Variants in WDFY3 observed in about 807,000 individuals in gnomAD.
The protein encoded by WDFY3 is WD repeat and FYVE domain-containing protein 3.
Under a neutral mutation model 409.6 loss-of-function variants are expected in WDFY3, and 66 were observed. The ratio of observed to expected loss-of-function variants is 0.16; its 90% confidence interval spans 0.13 to 0.20. The LOEUF (loss-of-function observed/expected upper bound fraction) is 0.20, where lower values mean the gene tolerates loss of function less well. Ranked by LOEUF, WDFY3 falls within the 10% of genes least tolerant of loss-of-function variation. WDFY3 has a pLI of 1.00. For missense variants in WDFY3, 3,031 were observed against 4,298.1 expected (o/e 0.71, Z 8.24); for synonymous variants, 1,521 against 1,537.1 (o/e 0.99, Z 0.25).
rs367546190 is a variant in WDFY3 at position 84,713,145 on chromosome 4, A to C, written c.8042+14T>G. The C allele has an allele frequency of 3.1e-5, 50 of 1,613,518 alleles. No homozygotes were observed. The African/African-American group carries it at 4.7e-4, about 15-fold the overall frequency. ...CACTATTAAACTGTAACATGCAAGG[A>C]ACAAACCACCTACCCCTGCTCCACA... is the stretch of plus-strand genomic sequence containing the variant. On this transcript the variant is annotated intron_variant, in intron 51 of 67. Coordinates refer to ENST00000295888, the MANE Select transcript of WDFY3 (RefSeq NM_014991.6).
At chr4:84,944,195 C>T (rs1195044332) in intron 1 of WDFY3, among the ~76,000 whole-genome samples, 1 of 152,044 alleles carries the variant, frequency 6.6e-6, no homozygotes, top group African/African-American at 2.4e-5. Flanking sequence ...ATTTATTAGT[C>T]TTTAATTATT....
At position 84,826,947 on chromosome 4, in the gene WDFY3, C is replaced by T; in HGVS notation, c.991G>A (p.Ala331Thr). The T allele has an allele frequency of 6.2e-7, 1 of 1,608,508 alleles. No homozygotes were observed. Among genetic ancestry groups the T allele is most frequent in the East Asian group, 2.3e-5 (1 of 44,418 alleles). ...ATCAGATTAACCAGATCTTTCAAGG[C>T]ATCTTTGGATTCTGCCTCTTTTGCT... is the stretch of plus-strand genomic sequence containing the variant. ...EQAKEAESKD[A>T]LKDLVNLITS... is the part of the protein sequence containing the mutation. The change falls in exon 10 of 68, where the codon GCC becomes ACC. Residue 331 changes from alanine to threonine, a missense_variant. By Grantham distance (58) the Ala-to-Thr change is moderately conservative. Transcript: ENST00000295888.
chr4:84,919,689 C>T (rs1769001016), intron 2 of WDFY3, among the ~76,000 whole-genome samples: 1 of 152,128 alleles, frequency 6.6e-6, no homozygotes, highest in African/African-American at 2.4e-5. Context: ...GCACTTCTCT[C>T]TCCTGCCTCC....
chr4:84,728,527 T>C (rs560650013), intron 44 of WDFY3, among the ~76,000 whole-genome samples: 2 of 152,096 alleles, frequency 1.3e-5, no homozygotes, highest in African/African-American at 4.8e-5. Flanking sequence ...TAACTTGTCT[T>C]AAAACAAATG....
chr4:84,721,669 G>A, intron 46 of WDFY3, 97 bp from the exon 47 acceptor site: 1 of 1,462,046 alleles, frequency 6.8e-7, no homozygotes, highest in East Asian at 2.3e-5. Flanking sequence ...TTTCCAATTT[G>A]AGACAATTTT....
chr4:84,838,636 C>G (rs1186587960), intron 6 of WDFY3, among the ~76,000 whole-genome samples: 1 of 152,154 alleles, frequency 6.6e-6, no homozygotes, highest in East Asian at 1.9e-4. Context: ...CTATCCCTGG[C>G]AAGATGTGGC....
chr4:84,960,245 T>C (rs1774741691), intron 1 of WDFY3, among the ~76,000 whole-genome samples: 1 of 152,170 alleles, frequency 6.6e-6, no homozygotes, highest in South Asian at 2.1e-4. Flanking sequence ...ACACAGCCAC[T>C]TCCCCTAACT....
chr4:84,736,134 C>G (rs1270465561), intron 42 of WDFY3, 36 bp downstream of exon 42: 15 of 1,583,386 alleles, frequency 9.5e-6, no homozygotes, highest in Non-Finnish European at 1.3e-5. Flanking sequence ...ATACAAAATA[C>G]TACAACTAAT....
rs1042498568 is a variant in WDFY3 at position 84,810,465 on chromosome 4, C to G, written c.1888-121G>C. 3.5e-6 allele frequency: 3 copies of G among 857,332 alleles called. No homozygotes were observed. In the African/African-American group the frequency reaches 5.2e-5, roughly 15 times the overall value. The allele number at this position is 857,332 out of a possible 1,614,324, so 53.1% of individuals were successfully genotyped here. ...AATCTGACATGTTTTTATCATTTAC[C>G]CAATAAACGGTCCTATAAAGCATAT... On this transcript the variant is annotated intron_variant, in intron 13 of 67. Coordinates refer to ENST00000295888, the MANE Select transcript of WDFY3 (RefSeq NM_014991.6).
At chr4:84,937,744 C>G (rs1199567668) in intron 1 of WDFY3, among the ~76,000 whole-genome samples, 1 of 152,008 alleles carries the variant, frequency 6.6e-6, no homozygotes, top group Non-Finnish European at 1.5e-5. Flanking sequence ...AAAATTTGGC[C>G]CCTATTACCC....
chr4:84,864,782 T>C (rs933341949), intron 3 of WDFY3, among the ~76,000 whole-genome samples: 4 of 152,228 alleles, frequency 2.6e-5, no homozygotes, highest in Admixed American at 2.6e-4. Flanking sequence ...TTTTAAATTA[T>C]AAAATACTTG....
intron 13 of WDFY3, among the ~76,000 whole-genome samples, chr4:84,813,104 G>A (rs955833263): frequency 1.3e-5 from 2 of 152,102 alleles, no homozygotes; most frequent in Non-Finnish European, 2.9e-5. Context: ...TGTGGTATAT[G>A]TCAGTTGAAT....
chr4:84,871,447 T>C (rs1273064609), intron 3 of WDFY3, among the ~76,000 whole-genome samples: 4 of 152,004 alleles, frequency 2.6e-5, no homozygotes, highest in East Asian at 3.9e-4. Flanking sequence ...GAAGAAAGAA[T>C]AAAGACTTCC....
chr4:84,872,484 A>C (rs1762259628), intron 3 of WDFY3, among the ~76,000 whole-genome samples: 1 of 151,926 alleles, frequency 6.6e-6, no homozygotes, highest in Non-Finnish European at 1.5e-5. Flanking sequence ...AAAAAAGTTT[A>C]ATATGCTAAG....
intron 36 of WDFY3, among the ~76,000 whole-genome samples, chr4:84,748,057 CTGTT>C (rs1739813461): frequency 6.6e-6 from 1 of 152,144 alleles, no homozygotes; most frequent in African/African-American, 2.4e-5. Flanking sequence ...ATACACAAAT[CTGTT>C]TGAGCTGTTC....
At chr4:84,732,521 C>T (rs905680726) in intron 44 of WDFY3, among the ~76,000 whole-genome samples, 4 of 152,138 alleles carry the variant, frequency 2.6e-5, no homozygotes, top group African/African-American at 9.7e-5. Context: ...CTTTGACCAA[C>T]ATCTCCCTAT....
intron 56 of WDFY3, among the ~76,000 whole-genome samples, chr4:84,701,239 G>A (rs1209046573): frequency 2.0e-5 from 3 of 152,196 alleles, no homozygotes; most frequent in Admixed American, 6.5e-5. Context: ...CTAAAGTTGT[G>A]TCTTTAGCTG....
chr4:84,721,594 G>C lies in WDFY3; in HGVS notation c.7442-22C>G, dbSNP rs750502648. The C allele has an allele frequency of 6.9e-6, 11 of 1,599,970 alleles. No homozygotes were observed. The South Asian group carries it at 1.2e-4, about 18-fold the overall frequency. Reference sequence around the variant, plus strand: ...AAACCTACAGTATAATAACCAAGAGGGCCATGTGGCATTGTAAGGACCTTG... The same window carrying C: ...AAACCTACAGTATAATAACCAAGAGCGCCATGTGGCATTGTAAGGACCTTG... On this transcript the variant is annotated intron_variant, in intron 46 of 67. Coordinates refer to ENST00000295888, the MANE Select transcript of WDFY3 (RefSeq NM_014991.6).
At chr4:84,902,784 T>C (rs1008252989) in intron 2 of WDFY3, among the ~76,000 whole-genome samples, 10 of 152,218 alleles carry the variant, frequency 6.6e-5, no homozygotes, top group Admixed American at 5.2e-4. Context: ...ATGTGACTTA[T>C]AAGACTAGGT....
Sources: allele counts gnomAD v4.1 joint callset (sites outside exome capture counted in the v4.1 genomes callset), GRCh38; gene constraint gnomAD v4.1.1; transcripts MANE v1.5; gene names NCBI Gene and HGNC (gene_info 2026-07-23, HGNC 2026-07-21).